The following CNTNAP2 variants were observed in gnomAD, a reference collection of about 807,000 sequenced individuals.
CNTNAP2 encodes contactin associated protein 2.
CNTNAP2 carries 98 observed loss-of-function variants against 155.2 expected under a neutral mutation model. The ratio of observed to expected loss-of-function variants is 0.63; its 90% CI spans 0.54 to 0.75. The LOEUF (loss-of-function observed/expected upper bound fraction) is 0.75, where lower values mean the gene tolerates loss of function less well. Among genes scored for constraint, CNTNAP2 ranks in the 30% least tolerant of loss-of-function variants. The probability of loss-of-function intolerance (pLI) is 0.00; values close to 1 mark genes in which losing one functional copy is unlikely to be tolerated. For synonymous variants in CNTNAP2, 651 were observed against 631.2 expected (o/e 1.03, Z -0.47); for missense variants, 1,727 against 1,688.1 (o/e 1.02, Z -0.40).
chr7:148,263,554 T>C (rs1796600494), intron 20 of CNTNAP2, among the ~76,000 whole-genome samples: 1 of 151,862 alleles, frequency 6.6e-6, no homozygotes. Flanking sequence ...CTGGCCAACA[T>C]AGTGAAACCC....
intron 16 of CNTNAP2, among the ~76,000 whole-genome samples, chr7:148,122,075 C>T (rs189943881): frequency 1.2e-4 from 19 of 152,128 alleles, no homozygotes; most frequent in African/African-American, 4.3e-4. Flanking sequence ...TCGTTCCAGG[C>T]GTTTTACGTG....
At chr7:147,411,123 C>T (rs1797095457) in intron 10 of CNTNAP2, among the ~76,000 whole-genome samples, 1 of 152,188 alleles carries the variant, frequency 6.6e-6, no homozygotes, top group African/African-American at 2.4e-5. Flanking sequence ...TAGAAGTTTT[C>T]TTAAGCCTAA....
chr7:147,925,592 G>T (rs1027989858), intron 14 of CNTNAP2, among the ~76,000 whole-genome samples: 1 of 151,608 alleles, frequency 6.6e-6, no homozygotes, highest in East Asian at 1.9e-4. Context: ...TCAGCCTCCC[G>T]AGTAGCTGGG....
chr7:147,532,330 A>T (rs527967886), intron 11 of CNTNAP2, among the ~76,000 whole-genome samples: 21 of 152,340 alleles, frequency 1.4e-4, no homozygotes, highest in Middle Eastern at 3.4e-3. Flanking sequence ...TTTGCTAAAC[A>T]TAACAAAACT....
At position 147,086,416 on chromosome 7, in the gene CNTNAP2, A is replaced by T. The variant is rs556874647; in HGVS notation, c.551-21731A>T. On this transcript the variant is annotated intron_variant, in intron 4 of 23. Transcript: ENST00000361727. ...GTTTCTCTTTCTTTTTCTTTTCATA[A>T]AATTTATTTTTATTTTTAATTTTTT... 1.1e-4 allele frequency among the ~76,000 whole-genome samples: 16 copies of T among 152,040 alleles called. No homozygotes were observed. The East Asian group carries it at 3.1e-3, about 29-fold the overall frequency.
At chr7:146,982,384 G>T (rs530128507) in intron 3 of CNTNAP2, among the ~76,000 whole-genome samples, 4 of 152,018 alleles carry the variant, frequency 2.6e-5, no homozygotes, top group Non-Finnish European at 5.9e-5. Flanking sequence ...GTGTTTTTTT[G>T]AGAAGTTTTT....
intron 1 of CNTNAP2, among the ~76,000 whole-genome samples, chr7:146,489,030 GAA>G (rs955410119): frequency 6.6e-6 from 1 of 152,192 alleles, no homozygotes. Context: ...TGGCACAGCA[GAA>G]AAGACTGAAG....
intron 12 of CNTNAP2, among the ~76,000 whole-genome samples, chr7:147,568,706 C>G (rs1800223659): frequency 6.6e-6 from 1 of 152,090 alleles, no homozygotes; most frequent in African/African-American, 2.4e-5. Flanking sequence ...ATATTTCTAA[C>G]ATTTCAGCTT....
chr7:146,250,870 T>C (rs1181050825), intron 1 of CNTNAP2, among the ~76,000 whole-genome samples: 2 of 152,158 alleles, frequency 1.3e-5, no homozygotes, highest in Non-Finnish European at 2.9e-5. Flanking sequence ...GCCTTGTAAG[T>C]ATGTAAAAAG....
chr7:146,894,960 G>A (rs894434810), intron 3 of CNTNAP2, among the ~76,000 whole-genome samples: 2 of 152,052 alleles, frequency 1.3e-5, no homozygotes, highest in African/African-American at 4.8e-5. Context: ...TCTTTGCTTA[G>A]GTTACTACAT....
chr7:147,028,462 A>C (rs1251342599), intron 3 of CNTNAP2, among the ~76,000 whole-genome samples: 6 of 152,162 alleles, frequency 3.9e-5, no homozygotes, highest in Non-Finnish European at 8.8e-5. Flanking sequence ...TTTCATTAAA[A>C]GAGTTGAGGC....
intron 1 of CNTNAP2, among the ~76,000 whole-genome samples, chr7:146,735,595 A>G (rs1023941928): frequency 1.9e-4 from 27 of 141,140 alleles, no homozygotes; most frequent in African/African-American, 8.0e-4. Flanking sequence ...TGTATATATA[A>G]ATGTATATAT....
intron 3 of CNTNAP2, among the ~76,000 whole-genome samples, chr7:146,866,035 C>G (rs1795198575): frequency 6.6e-6 from 1 of 152,100 alleles, no homozygotes; most frequent in Non-Finnish European, 1.5e-5. Flanking sequence ...CCACCCATTT[C>G]TGTTATTATT....
In CNTNAP2 at chr7:146,191,898, A is replaced by T. The variant is rs1163030087; in HGVS notation, c.97+74925A>T. 3.9e-5 allele frequency among the ~76,000 whole-genome samples: 6 copies of T among 152,132 alleles called. 1 individual carries two copies. Among genetic ancestry groups the T allele is most frequent in the Non-Finnish European group, 2.9e-5 (2 of 68,034 alleles). ...TGCTTTACGAACAATTTGTGCAGTT[A>T]ACGCAATCATCACAGGGTCTTGAGG... On this transcript the variant is annotated intron_variant, in intron 1 of 23. Transcript: ENST00000361727.
chr7:147,474,813 T>G (rs1798286791), intron 10 of CNTNAP2, among the ~76,000 whole-genome samples: 1 of 152,042 alleles, frequency 6.6e-6, no homozygotes, highest in African/African-American at 2.4e-5. Flanking sequence ...AAGGAGAAGT[T>G]TAGGATCTCT....
intron 12 of CNTNAP2, among the ~76,000 whole-genome samples, chr7:147,596,402 C>T (rs1389894542): frequency 1.3e-5 from 2 of 152,172 alleles, no homozygotes; most frequent in Admixed American, 6.5e-5. Flanking sequence ...GATCTTCTAC[C>T]CCTACCTACC....
At chr7:147,465,224 G>C (rs1413596057) in intron 10 of CNTNAP2, among the ~76,000 whole-genome samples, 1 of 152,138 alleles carries the variant, frequency 6.6e-6, no homozygotes, top group South Asian at 2.1e-4. Context: ...TTATTATTTG[G>C]GTGATGGGTT....
At chr7:146,635,726 G>C (rs538771941) in intron 1 of CNTNAP2, among the ~76,000 whole-genome samples, 1 of 152,092 alleles carries the variant, frequency 6.6e-6, no homozygotes, top group Admixed American at 6.6e-5. Context: ...TGAAGTGGAT[G>C]ATATAAGAAG....
chr7:148,159,765 A>C (rs1303154389), intron 17 of CNTNAP2, among the ~76,000 whole-genome samples: 1 of 152,152 alleles, frequency 6.6e-6, no homozygotes, highest in Non-Finnish European at 1.5e-5. Flanking sequence ...TTTAAACTTT[A>C]TTTACTGAAT....
Sources: gnomAD v4.1 joint callset for allele counts (sites outside exome capture counted in the v4.1 genomes callset) on GRCh38, gnomAD v4.1.1 for gene constraint, MANE v1.5 for transcripts, NCBI Gene and HGNC (gene_info 2026-07-23, HGNC 2026-07-21) for gene names.